Variants in RPL13A observed in about 807,000 individuals in gnomAD.
RPL13A encodes the protein large ribosomal subunit protein uL13.
RPL13A carries 4 observed loss-of-function variants against 30.8 expected under a neutral mutation model. The observed-to-expected ratio is 0.13, with a 90% CI of 0.06 to 0.30. RPL13A has a LOEUF of 0.30. Ranked by LOEUF, RPL13A falls within the 10% of genes least tolerant of loss-of-function variation. RPL13A has a pLI of 1.00. For synonymous variants in RPL13A, 108 were observed against 104.2 expected, an observed-to-expected ratio of 1.04 and a Z score of -0.22; for missense variants, 196 against 272.6, an observed-to-expected ratio of 0.72 and a Z score of 1.98.
At chr19:49,489,332 CAAAA>C (rs918728318) in intron 1 of RPL13A, among the ~76,000 whole-genome samples, 10 of 147,120 alleles carry the variant, frequency 6.8e-5, no homozygotes, top group Non-Finnish European at 1.1e-4. Flanking sequence ...CCTGACTCAA[CAAAA>C]AAAAAAGTAC....
At position 49,491,837 on chromosome 19, in the gene RPL13A, C is replaced by T. The variant is rs770058728; in HGVS notation, c.*22C>T. 4.5e-6 allele frequency: 7 copies of T among 1,563,908 alleles called. No individual in the cohort carries two copies. The African/African-American group carries it at 8.1e-5, about 18-fold the overall frequency. On this transcript the variant is annotated 3_prime_UTR_variant, in exon 8 of 8. Coordinates refer to ENST00000391857, the MANE Select transcript of RPL13A (RefSeq NM_012423.4). Reference sequence around the variant, plus strand: ...CTGAGCCCAATAAAGACTGTTAATTCCTCATGCGTTGCCTGCCCTTCCTCC... The same window carrying T: ...CTGAGCCCAATAAAGACTGTTAATTTCTCATGCGTTGCCTGCCCTTCCTCC...
At chr19:49,489,672 G>GCTTTCT (rs1486214344) in intron 1 of RPL13A, among the ~76,000 whole-genome samples, 178 bp from the exon 2 acceptor site, 4 of 152,244 alleles carry the variant, frequency 2.6e-5, no homozygotes, top group Non-Finnish European at 1.5e-5. Flanking sequence ...AGGCAGCCTT[G>GCTTTCT]CTTTCTCAGT....
Position 49,491,551 on chromosome 19 carries a change from A to G in RPL13A, c.525+4A>G. The G allele has an allele frequency of 6.4e-7, 1 of 1,551,748 alleles. No individual in the cohort carries two copies. The highest frequency in any genetic ancestry group is 1.2e-5 in the South Asian group (1 of 85,116). The stretch of plus-strand genomic sequence containing the variant: ...CCGGAAGAAGAAACAGCTCATGGTG[A>G]GGCCAGGGGCTGGTGCTGAGGGGGG... On this transcript the variant is annotated splice_donor_region_variant and intron_variant, in intron 7 of 7. Coordinates refer to ENST00000391857, the MANE Select transcript of RPL13A (RefSeq NM_012423.4).
intron 6 of RPL13A, 73 bp from the exon 7 acceptor site, chr19:49,491,352 C>G (rs940348854): frequency 5.7e-6 from 8 of 1,395,340 alleles, no homozygotes; most frequent in African/African-American, 2.8e-5. Context: ...TCAACAGCTC[C>G]GGCTCTTCAG....
rs1555806981 is a variant in RPL13A at position 49,491,409 on chromosome 19, C to CCA, written c.403-15_403-14insAC. On this transcript the variant is annotated splice_polypyrimidine_tract_variant and intron_variant, in intron 6 of 7. Coordinates refer to ENST00000391857, the MANE Select transcript of RPL13A (RefSeq NM_012423.4). ...TTACAACTTCATTTGTTCACCCCCC[C>CCA]CCCCCCCCCCCGCAGTTTGCCTATC... 1.9e-6 allele frequency: 1 copy of CCA among 532,336 alleles called. No individual in the cohort carries two copies. Among genetic ancestry groups the CCA allele is most frequent in the African/African-American group, 2.8e-5 (1 of 35,722 alleles). 33.0% of individuals were successfully genotyped at this position (532,336 alleles called of 1,614,324 possible).
intron 2 of RPL13A, 100 bp downstream of exon 2, chr19:49,490,022 C>A: frequency 9.3e-7 from 1 of 1,079,054 alleles, no homozygotes. Context: ...GCCATGAGAT[C>A]AACCCCATGC....
intron 5 of RPL13A, 44 bp downstream of exon 5, chr19:49,490,908 G>A (rs776955088): frequency 1.3e-5 from 21 of 1,609,902 alleles, no homozygotes; most frequent in East Asian, 6.7e-5. Flanking sequence ...TACCTGTGGC[G>A]TCCATGATGT....
chr19:49,490,315 A>G lies in RPL13A; in HGVS notation c.154+18A>G. The stretch of plus-strand genomic sequence containing the variant: ...AAACAAGTGTAAGTTAGGACCTGGG[A>G]GGAGCACTGGAGAGGGTCTCCCTGT... On this transcript the variant is annotated intron_variant, in intron 3 of 7. Transcript: ENST00000391857. 1 of 1,613,222 alleles carries G rather than the reference A, an allele frequency of 6.2e-7. No homozygotes were observed. The highest frequency in any genetic ancestry group is 8.5e-7 in the Non-Finnish European group (1 of 1,179,216).
intron 2 of RPL13A, 91 bp downstream of exon 2, chr19:49,490,013 C>A (rs747309180): frequency 1.7e-6 from 2 of 1,148,994 alleles, no homozygotes; most frequent in Non-Finnish European, 1.3e-6. Context: ...AGTCTCACGG[C>A]CATGAGATCA....
Position 49,491,848 on chromosome 19 carries a change from G to C in RPL13A, c.*33G>C, listed in dbSNP as rs771292453. 6.5e-7 allele frequency: 1 copy of C among 1,528,534 alleles called. No individual in the cohort carries two copies. Among genetic ancestry groups the C allele is most frequent in the Non-Finnish European group, 8.9e-7 (1 of 1,119,132 alleles). The allele number at this position is 1,528,534 out of a possible 1,614,324, so 94.7% of individuals were successfully genotyped here. A position where few individuals can be genotyped will look rare whatever the true frequency, so the allele number is the denominator to read the frequency against. On this transcript the variant is annotated 3_prime_UTR_variant, in exon 8 of 8. Transcript: ENST00000391857. ...AAAGACTGTTAATTCCTCATGCGTTGCCTGCCCTTCCTCCATTGTTGCCCT... is the reference window on the plus strand; with the variant it reads ...AAAGACTGTTAATTCCTCATGCGTTCCCTGCCCTTCCTCCATTGTTGCCCT...
chr19:49,492,001 T>C lies in RPL13A; in HGVS notation c.*186T>C, dbSNP rs568251536. 47 of 581,660 alleles carry C rather than the reference T, an allele frequency of 8.1e-5. No homozygotes were observed. In the Middle Eastern group the frequency reaches 8.4e-4, roughly 10 times the overall value. 36.0% of individuals were successfully genotyped at this position (581,660 alleles called of 1,614,324 possible). ...AAGTTGCTTGAAAGCACTCGGAGAATTGTGCAGGTGTCATTTATCTATGAC... is the reference window on the plus strand; with the variant it reads ...AAGTTGCTTGAAAGCACTCGGAGAACTGTGCAGGTGTCATTTATCTATGAC... On this transcript the variant is annotated 3_prime_UTR_variant, in exon 8 of 8. Coordinates refer to ENST00000391857, the MANE Select transcript of RPL13A (RefSeq NM_012423.4).
chr19:49,487,645 G>C lies in RPL13A; in HGVS notation c.15+1G>C, dbSNP rs747089637. On this transcript the variant is annotated splice_donor_variant, in intron 1 of 7. Coordinates refer to ENST00000391857, the MANE Select transcript of RPL13A (RefSeq NM_012423.4). LOFTEE classifies it high-confidence loss of function. ...GCTGCCGAAGATGGCGGAGGTGCAG[G>C]TATGGGCTCCGCGCGGGCCGGGGCG... 1 of 1,559,980 alleles carries C rather than the reference G, an allele frequency of 6.4e-7. No homozygotes were observed.
At chr19:49,490,970 C>T (rs770075221) in intron 5 of RPL13A, 70 bp from the exon 6 acceptor site, 20 of 1,598,010 alleles carry the variant, frequency 1.3e-5, no homozygotes, top group Non-Finnish European at 1.5e-5. Flanking sequence ...CTGGCTGAGA[C>T]GCCAGTCCAG....
chr19:49,489,929 C>A lies in RPL13A; in HGVS notation c.88+7C>A. ...GCTAAACAGGTACTGCTGGGTAAGT[C>A]GCTGCTCGTGGCCCCTCTGTCATGG... On this transcript the variant is annotated splice_region_variant and intron_variant, in intron 2 of 7. Transcript: ENST00000391857. 1 of 1,611,338 alleles carries A rather than the reference C, an allele frequency of 6.2e-7. No homozygotes were observed. Among genetic ancestry groups the A allele is most frequent in the South Asian group, 1.1e-5 (1 of 91,024 alleles).
intron 1 of RPL13A, among the ~76,000 whole-genome samples, chr19:49,488,097 C>G (rs568457695): frequency 3.9e-5 from 6 of 152,178 alleles, no homozygotes; most frequent in Non-Finnish European, 7.3e-5. Flanking sequence ...ACTTTGATTT[C>G]ACGTGGAGGT....
chr19:49,488,859 C>T (rs1319626602), intron 1 of RPL13A, among the ~76,000 whole-genome samples: 5 of 152,218 alleles, frequency 3.3e-5, no homozygotes, highest in Admixed American at 6.5e-5. Context: ...GTGCCTGCCA[C>T]GACGCTTGGC....
At chr19:49,491,597 C>G in intron 7 of RPL13A, 50 bp downstream of exon 7, 3 of 1,555,762 alleles carry the variant, frequency 1.9e-6, no homozygotes, top group Non-Finnish European at 2.6e-6. Flanking sequence ...CTGGACAGGC[C>G]TGGCAGGTGC....
At chr19:49,491,614 C>T (rs1222678446) in intron 7 of RPL13A, 67 bp downstream of exon 7, 3 of 1,558,452 alleles carry the variant, frequency 1.9e-6, no homozygotes, top group African/African-American at 2.7e-5. Context: ...GTGCCTTGCT[C>T]ACAGAGTACT....
rs909299629 is a variant in RPL13A, at chr19:49,492,297, C to A, written c.*482C>A. 6.4e-6 allele frequency: 1 copy of A among 156,294 alleles called. No homozygotes were observed. 9.7% of individuals were successfully genotyped at this position (156,294 alleles called of 1,614,324 possible). ...GTATTTTGTAATCAGAAATAAATTG[C>A]TTTTAAAGAAATCTGGCGTCTTTGC... is the stretch of plus-strand genomic sequence containing the variant. On this transcript the variant is annotated 3_prime_UTR_variant, in exon 8 of 8. Coordinates refer to ENST00000391857, the MANE Select transcript of RPL13A (RefSeq NM_012423.4).
Sources: gnomAD v4.1 joint callset for allele counts (sites outside exome capture counted in the v4.1 genomes callset) on GRCh38, gnomAD v4.1.1 for gene constraint, MANE v1.5 for transcripts, NCBI Gene and HGNC (gene_info 2026-07-23, HGNC 2026-07-21) for gene names.